CDH18: variants seen among roughly 807,000 people sequenced by gnomAD.
The protein encoded by CDH18 is cadherin 18, also known as cadherin-18.
Under a neutral mutation model 67.9 loss-of-function variants are expected in CDH18, and 31 were observed. The ratio of observed to expected loss-of-function variants is 0.46; its 90% confidence interval spans 0.34 to 0.62. The LOEUF (loss-of-function observed/expected upper bound fraction) is 0.62, where lower values mean the gene tolerates loss of function less well. Ranked by LOEUF, CDH18 falls within the 20% of genes least tolerant of loss-of-function variation. The pLI is 0.01. For missense variants in CDH18, 890 were observed against 975.5 expected (o/e 0.91, Z 1.17); for synonymous variants, 362 against 347.2 (o/e 1.04, Z -0.48).
chr5:20,404,381 C>T (rs1223100758), intron 1 of CDH18, among the ~76,000 whole-genome samples: 2 of 152,170 alleles, frequency 1.3e-5, no homozygotes, highest in Non-Finnish European at 2.9e-5. Context: ...CTGTCTTGTC[C>T]TTTGGCATGC....
In CDH18 at chr5:19,752,060, C is replaced by A. The variant is rs1467928314; in HGVS notation, c.229-4824G>T. ...GAGATCCGTTGCCCTTGAATACACA[C>A]CCCCACTGGGGAAACTGAAGGTCTA... On this transcript the variant is annotated intron_variant, in intron 3 of 12. Transcript: ENST00000382275. Among the ~76,000 whole-genome samples the A allele has an allele frequency of 2.0e-5, 3 of 152,122 alleles. No individual in the cohort carries two copies. In the East Asian group the frequency reaches 5.8e-4, roughly 29 times the overall value.
intron 2 of CDH18, among the ~76,000 whole-genome samples, chr5:20,161,418 C>T (rs1160291917): frequency 6.6e-6 from 1 of 152,154 alleles, no homozygotes; most frequent in Non-Finnish European, 1.5e-5. Flanking sequence ...CACTTGCTGG[C>T]ACTATGCTTG....
At position 20,448,056 on chromosome 5, in the gene CDH18, C is replaced by T. The variant is rs537722714; in HGVS notation, c.-580+127406G>A. Among the ~76,000 whole-genome samples, 5 of 152,098 alleles carry T rather than the reference C, an allele frequency of 3.3e-5. No homozygotes were observed. The South Asian group carries it at 1.0e-3, about 32-fold the overall frequency. ...TCCTAATGCTATCCGTCCCCTCTCC[C>T]CCCACCCCACAACAGGCCCTGGTGT... On this transcript the variant is annotated intron_variant, in intron 1 of 14. Transcript: ENST00000507958.
chr5:19,921,701 A>G (rs988296695), intron 2 of CDH18, among the ~76,000 whole-genome samples: 2 of 152,062 alleles, frequency 1.3e-5, no homozygotes, highest in South Asian at 2.1e-4. Flanking sequence ...ATAAAGAAAC[A>G]AAGTCTTAAA....
intron 2 of CDH18, among the ~76,000 whole-genome samples, chr5:20,186,436 A>G (rs1738104695): frequency 1.3e-5 from 2 of 151,976 alleles, no homozygotes. Context: ...CAAATCAGCA[A>G]CAAGAACAAC....
chr5:19,747,054 T>C lies in CDH18; in HGVS notation c.411A>G (p.Lys137=). 4 of 1,613,990 alleles carry C rather than the reference T, an allele frequency of 2.5e-6. No homozygotes were observed. Among genetic ancestry groups the C allele is most frequent in the Non-Finnish European group, 3.4e-6 (4 of 1,179,988 alleles). ...HAQAIDRRTN[K]PLEPESEFII... ...TGAACTCGGATTCAGGCTCAAGAGGTTTGTTTGTACGTCTATCAATAGCTT... is the reference window on the plus strand; with the variant it reads ...TGAACTCGGATTCAGGCTCAAGAGGCTTGTTTGTACGTCTATCAATAGCTT... The change falls in exon 4 of 13, where the codon AAA becomes AAG. Residue 137 remains lysine (K), a synonymous_variant. Coordinates refer to ENST00000382275, the MANE Select transcript of CDH18 (RefSeq NM_004934.5).
intron 8 of CDH18, among the ~76,000 whole-genome samples, chr5:19,549,637 T>TGGAGGGAGGGAGAGAGGGAAGGAAG (rs1207959757): frequency 1.0e-5 from 1 of 98,230 alleles, no homozygotes; most frequent in Non-Finnish European, 1.9e-5. Context: ...GGAAGAAAAA[T>TGGAGGGAGGGAGAGAGGGAAGGAAG]GGAGGGAGGG....
intron 8 of CDH18, among the ~76,000 whole-genome samples, chr5:19,568,636 G>A (rs1338166278): frequency 6.6e-6 from 1 of 152,146 alleles, no homozygotes; most frequent in East Asian, 1.9e-4. Flanking sequence ...AAATGGAAGA[G>A]TTTGCTTTCT....
At chr5:19,742,962 T>G (rs1216705996) in intron 4 of CDH18, among the ~76,000 whole-genome samples, 1 of 152,244 alleles carries the variant, frequency 6.6e-6, no homozygotes, top group Non-Finnish European at 1.5e-5. Flanking sequence ...TAAAAATGAT[T>G]TTTATTACAT....
intron 5 of CDH18, among the ~76,000 whole-genome samples, chr5:19,638,832 A>G (rs1158459684): frequency 6.6e-6 from 1 of 152,086 alleles, no homozygotes; most frequent in Non-Finnish European, 1.5e-5. Context: ...AGCTCAATGC[A>G]AAGAGGGATT....
intron 1 of CDH18, among the ~76,000 whole-genome samples, chr5:20,283,140 C>T (rs189040316): frequency 2.1e-4 from 31 of 144,920 alleles, no homozygotes; most frequent in African/African-American, 6.5e-4. Context: ...AGACCTGAAA[C>T]TATAAAATTA....
chr5:20,053,584 C>T (rs1366644794), intron 2 of CDH18, among the ~76,000 whole-genome samples: 1 of 152,058 alleles, frequency 6.6e-6, no homozygotes, highest in Non-Finnish European at 1.5e-5. Context: ...TTCTCACAAA[C>T]ACTAAAATGA....
At chr5:19,683,422 T>C (rs1760620154) in intron 5 of CDH18, among the ~76,000 whole-genome samples, 1 of 152,056 alleles carries the variant, frequency 6.6e-6, no homozygotes, top group Non-Finnish European at 1.5e-5. Flanking sequence ...GATAACTGTT[T>C]AAATTTTTCT....
At chr5:20,394,841 A>G (rs1037373435) in intron 1 of CDH18, among the ~76,000 whole-genome samples, 3 of 152,170 alleles carry the variant, frequency 2.0e-5, no homozygotes, top group African/African-American at 7.2e-5. Context: ...AATGCTCAAC[A>G]TTACTAATCA....
chr5:20,376,866 A>G (rs924160983), intron 1 of CDH18, among the ~76,000 whole-genome samples: 15 of 151,670 alleles, frequency 9.9e-5, no homozygotes, highest in South Asian at 2.1e-4. Context: ...AAAGTACTAA[A>G]ATTAGCCGGG....
At chr5:20,014,874 G>T (rs754528766) in intron 2 of CDH18, among the ~76,000 whole-genome samples, 2 of 152,050 alleles carry the variant, frequency 1.3e-5, no homozygotes, top group African/African-American at 4.8e-5. Context: ...TTGATCATTT[G>T]GTCAGAGTAG....
At chr5:19,987,466 G>A (rs1799684977) in intron 1 of CDH18, among the ~76,000 whole-genome samples, 1 of 151,770 alleles carries the variant, frequency 6.6e-6, no homozygotes, top group Non-Finnish European at 1.5e-5. Flanking sequence ...TCATTTATAA[G>A]TGCCCTTTAA....
intron 1 of CDH18, among the ~76,000 whole-genome samples, chr5:20,458,960 C>G (rs1189182561): frequency 6.6e-6 from 1 of 152,006 alleles, no homozygotes; most frequent in Non-Finnish European, 1.5e-5. Flanking sequence ...TAGTTCTTTA[C>G]TTTAGATTTA....
intron 4 of CDH18, among the ~76,000 whole-genome samples, chr5:19,740,213 T>C (rs1768917004): frequency 6.6e-6 from 1 of 152,122 alleles, no homozygotes; most frequent in African/African-American, 2.4e-5. Flanking sequence ...TAAATGCTTT[T>C]AAATGGTATT....
Sources: gnomAD v4.1 joint callset for allele counts (sites outside exome capture counted in the v4.1 genomes callset) on GRCh38, gnomAD v4.1.1 for gene constraint, MANE v1.5 for transcripts, NCBI Gene and HGNC (gene_info 2026-07-23, HGNC 2026-07-21) for gene names.